Variants in DDX6 observed in about 807,000 individuals in gnomAD.
The protein encoded by DDX6 is DEAD-box helicase 6.
Under a neutral mutation model 60.6 loss-of-function variants are expected in DDX6, and 7 were observed. The ratio of observed to expected loss-of-function variants is 0.12; its 90% confidence interval spans 0.07 to 0.22. The LOEUF is 0.22. DDX6 is among the 10% of genes least tolerant of loss of function. The pLI, the probability that DDX6 is intolerant of heterozygous loss-of-function variation, is 1.00. For synonymous variants in DDX6, 207 were observed against 201.0 expected (o/e 1.03, Z -0.25); for missense variants, 270 against 589.9 (o/e 0.46, Z 5.62).
chr11:118,757,506 C>A (rs531241107), intron 9 of DDX6, among the ~76,000 whole-genome samples: 12 of 152,060 alleles, frequency 7.9e-5, no homozygotes, highest in African/African-American at 2.9e-4. Context: ...TCTTAAGGGC[C>A]ACATAACTGT....
intron 1 of DDX6, 40 bp from the exon 2 acceptor site, chr11:118,786,558 G>C (rs974531204): frequency 9.1e-5 from 22 of 241,794 alleles, no homozygotes; most frequent in Non-Finnish European, 1.6e-4. Context: ...AAACACAACA[G>C]AAAAACTTTG....
chr11:118,756,952 TTTATC>T (rs1860998779), intron 10 of DDX6, among the ~76,000 whole-genome samples: 1 of 152,250 alleles, frequency 6.6e-6, no homozygotes, highest in East Asian at 1.9e-4. Context: ...CATTTAAACA[TTTATC>T]TTAATTTTCC....
At chr11:118,758,506 TG>T (rs1861054139) in intron 9 of DDX6, among the ~76,000 whole-genome samples, 1 of 152,138 alleles carries the variant, frequency 6.6e-6, no homozygotes, top group Admixed American at 6.5e-5. Flanking sequence ...CCCAAGTAGC[TG>T]GGATTATGGG....
In DDX6 at chr11:118,768,453, A is replaced by T. The variant is rs1861427800; in HGVS notation, c.370-101T>A. On this transcript the variant is annotated intron_variant, in intron 4 of 13. Transcript: ENST00000534980. ...GGATACCTCTTTCGGTATTGCTTTA[A>T]GTGTCCTAAGTATCCTACATTTGAA... 6 of 1,234,742 alleles carry T rather than the reference A, an allele frequency of 4.9e-6. No individual in the cohort carries two copies. The South Asian group carries it at 8.2e-5, about 17-fold the overall frequency. The allele number at this position is 1,234,742 out of a possible 1,614,324, so 76.5% of individuals were successfully genotyped here.
chr11:118,783,755 C>T (rs1337808046), intron 2 of DDX6, among the ~76,000 whole-genome samples: 2 of 127,490 alleles, frequency 1.6e-5, no homozygotes, highest in Admixed American at 1.0e-4. Context: ...TGCAGTGAGT[C>T]GAGATCACAC....
chr11:118,756,812 T>C (rs1328577681), intron 10 of DDX6, among the ~76,000 whole-genome samples: 2 of 152,222 alleles, frequency 1.3e-5, no homozygotes, highest in African/African-American at 2.4e-5. Context: ...ACTGACTTTT[T>C]ATTTTAATTT....
At position 118,786,253 on chromosome 11, in the gene DDX6, C is replaced by T; in HGVS notation, c.-2G>A. The T allele has an allele frequency of 6.3e-7, 1 of 1,593,494 alleles. No individual in the cohort carries two copies. The highest frequency in any genetic ancestry group is 8.5e-7 in the Non-Finnish European group (1 of 1,170,062). On this transcript the variant is annotated 5_prime_UTR_variant, in exon 2 of 14. Coordinates refer to ENST00000534980, the MANE Select transcript of DDX6 (RefSeq NM_004397.6). ...GTTCTCTGTTCTGGCCGTGCTCATG[C>T]TGTTTTAATTGCAAAGGTCTTTCAA...
rs1268487753 is a variant in DDX6 at position 118,771,399 on chromosome 11, G to C, written c.370-3047C>G. Among the ~76,000 whole-genome samples, 3 of 152,142 alleles carry C rather than the reference G, an allele frequency of 2.0e-5. No homozygotes were observed. The East Asian group carries it at 5.8e-4, about 29-fold the overall frequency. ...TTATACCCTACAAAAACTGTTCAAG[G>C]ATAAAGCTTTAACAAAGTACATGTG... On this transcript the variant is annotated intron_variant, in intron 4 of 13. Transcript: ENST00000534980.
At chr11:118,787,789 T>C (rs1026516065) in intron 1 of DDX6, 3 of 152,178 alleles carry the variant, frequency 2.0e-5, no homozygotes, top group Non-Finnish European at 4.4e-5. Flanking sequence ...TACACAAATT[T>C]TGTATAAATG....
chr11:118,784,668 AG>A (rs1862014835), intron 2 of DDX6, among the ~76,000 whole-genome samples: 1 of 152,028 alleles, frequency 6.6e-6, no homozygotes, highest in East Asian at 1.9e-4. Flanking sequence ...CATGTTGGTC[AG>A]GCTGGCCTCA....
intron 4 of DDX6, among the ~76,000 whole-genome samples, chr11:118,773,746 T>TG (rs1181403650): frequency 6.6e-6 from 1 of 151,846 alleles, no homozygotes; most frequent in Non-Finnish European, 1.5e-5. Flanking sequence ...CTCAACCCTC[T>TG]GCAAGGCTGA....
chr11:118,778,513 A>C (rs1861779568), intron 4 of DDX6, among the ~76,000 whole-genome samples: 1 of 152,228 alleles, frequency 6.6e-6, no homozygotes, highest in African/African-American at 2.4e-5. Flanking sequence ...AACTGCTCTG[A>C]ACTTTTGTTT....
chr11:118,784,439 G>A (rs1319293158), intron 2 of DDX6, among the ~76,000 whole-genome samples: 1 of 151,220 alleles, frequency 6.6e-6, no homozygotes, highest in Non-Finnish European at 1.5e-5. Flanking sequence ...GATTCCCAGG[G>A]TTAAATTATT....
intron 5 of DDX6, chr11:118,768,010 TAAG>T: frequency 4.0e-6 from 2 of 496,666 alleles, no homozygotes; most frequent in South Asian, 2.6e-5. Context: ...GTGTATCATA[TAAG>T]AATACTCTTA....
At chr11:118,765,067 C>T (rs1179825080) in intron 6 of DDX6, 142 bp downstream of exon 6, 16 of 916,432 alleles carry the variant, frequency 1.7e-5, no homozygotes, top group East Asian at 2.5e-5. Context: ...TTGTCTTTTT[C>T]GCTTGAATGC....
intron 4 of DDX6, among the ~76,000 whole-genome samples, chr11:118,776,787 C>G (rs782409288): frequency 1.3e-5 from 2 of 150,240 alleles, no homozygotes; most frequent in Non-Finnish European, 3.0e-5. Context: ...GAGTGGACAT[C>G]GCGCCACTGC....
At chr11:118,766,174 C>T (rs960763607) in intron 5 of DDX6, among the ~76,000 whole-genome samples, 1 of 151,992 alleles carries the variant, frequency 6.6e-6, no homozygotes, top group East Asian at 1.9e-4. Flanking sequence ...TGCCTAGAAT[C>T]CCAGCACTTT....
intron 5 of DDX6, 173 bp downstream of exon 5, chr11:118,768,050 A>G (rs1317997440): frequency 1.7e-6 from 1 of 601,138 alleles, no homozygotes; most frequent in African/African-American, 1.9e-5. Context: ...AAAAGCTGGG[A>G]ATCATTTTTA....
intron 2 of DDX6, among the ~76,000 whole-genome samples, chr11:118,782,982 G>A (rs539191867): frequency 6.6e-6 from 1 of 152,270 alleles, no homozygotes; most frequent in African/African-American, 2.4e-5. Flanking sequence ...ATGTCAGTTT[G>A]ACATACCGTT....
Sources: gnomAD v4.1 joint callset for allele counts (sites outside exome capture counted in the v4.1 genomes callset) on GRCh38, gnomAD v4.1.1 for gene constraint, MANE v1.5 for transcripts, NCBI Gene and HGNC (gene_info 2026-07-23, HGNC 2026-07-21) for gene names.